ANKRD30B: variants seen among roughly 807,000 people sequenced by gnomAD.
The protein encoded by ANKRD30B is ankyrin repeat domain-containing protein 30B.
A neutral mutation model predicts 202.2 loss-of-function variants in ANKRD30B; 144 were observed. That is an observed-to-expected ratio of 0.71 (90% CI 0.62 to 0.82). The LOEUF (loss-of-function observed/expected upper bound fraction) is 0.82. Ranked by LOEUF, ANKRD30B falls within the 40% of genes least tolerant of loss-of-function variation. The pLI is 0.00. For missense variants in ANKRD30B, 1,487 were observed against 1,669.1 expected (o/e 0.89, Z 1.90); for synonymous variants, 508 against 561.3 (o/e 0.91, Z 1.34).
chr18:14,911,373 A>G, the ANKRD30B span, among the ~76,000 whole-genome samples: 1 of 152,156 alleles, frequency 6.6e-6, no homozygotes, highest in South Asian at 2.1e-4. Context: ...CAATTGAGTG[A>G]ATACAGTGTC....
intron 33 of ANKRD30B, among the ~76,000 whole-genome samples, 197 bp from the exon 34 acceptor site, chr18:14,831,186 A>AAAAAACAAAC (rs1970913744): frequency 6.6e-6 from 1 of 150,454 alleles, no homozygotes; most frequent in African/African-American, 2.4e-5. Flanking sequence ...TCTCGGAAAA[A>AAAAAACAAAC]AAAAAAAAAA....
At position 14,799,084 on chromosome 18, in the gene ANKRD30B, T is replaced by C. The variant is rs770082240; in HGVS notation, c.2030-17T>C. 47 of 1,564,250 alleles carry C rather than the reference T, an allele frequency of 3.0e-5. No individual in the cohort carries two copies. The highest frequency in any genetic ancestry group is 8.4e-5 in the Admixed American group (5 of 59,768). On this transcript the variant is annotated splice_polypyrimidine_tract_variant and intron_variant, in intron 20 of 43. Coordinates refer to ENST00000690538, the MANE Select transcript of ANKRD30B (RefSeq NM_001367607.2). ...AAGCTTGCATATAATCAATTATATA[T>C]GTCCCTTTTCTTTTAGAGTCTCCTG...
the ANKRD30B span, among the ~76,000 whole-genome samples, chr18:14,907,840 C>G: frequency 6.6e-6 from 1 of 152,262 alleles, no homozygotes; most frequent in African/African-American, 2.4e-5. Context: ...TGCCAAACTC[C>G]AGGCTCTCCC....
the ANKRD30B span, among the ~76,000 whole-genome samples, chr18:14,927,321 C>T: frequency 1.3e-5 from 2 of 152,154 alleles, no homozygotes; most frequent in East Asian, 3.9e-4. Context: ...ATTTTCCATA[C>T]CCCACCTAGC....
chr18:14,852,156 A>T lies in ANKRD30B; in HGVS notation c.4212A>T (p.Glu1404Asp). The change falls in exon 42 of 44, where the codon GAA (glutamate) becomes GAT (aspartate). Residue 1404 changes from glutamate to aspartate, a missense_variant. Around this residue, in one of 6 missense-constraint regions of ANKRD30B, gnomAD observed 182 missense variants for 216.0 expected, o/e 0.84. Coordinates refer to ENST00000690538, the MANE Select transcript of ANKRD30B (RefSeq NM_001367607.2). ...MKKAEHMYQN[E>D]QDNVDKHTEQ... ...AAGCTGAACACATGTATCAAAATGA[A>T]CAAGATAATGTGGACAAACACACTG... is the stretch of plus-strand genomic sequence containing the variant. The T allele has an allele frequency of 6.3e-7, 1 of 1,593,738 alleles. No homozygotes were observed. Among genetic ancestry groups the T allele is most frequent in the Non-Finnish European group, 8.5e-7 (1 of 1,169,990 alleles).
chr18:14,845,339 T>G (rs1310868777), intron 39 of ANKRD30B, among the ~76,000 whole-genome samples: 1 of 152,302 alleles, frequency 6.6e-6, no homozygotes, highest in Admixed American at 6.5e-5. Context: ...CATCATTTAT[T>G]AAATAGGGAA....
chr18:14,778,831 GGAA>G (rs1222309870), intron 10 of ANKRD30B, among the ~76,000 whole-genome samples: 1 of 152,072 alleles, frequency 6.6e-6, no homozygotes, highest in Admixed American at 6.6e-5. Flanking sequence ...GGAAAAATCT[GGAA>G]GAAGGGCCAT....
At chr18:14,831,549 A>T (rs1441188881) in intron 34 of ANKRD30B, 94 bp downstream of exon 34, 1 of 567,900 alleles carries the variant, frequency 1.8e-6, no homozygotes, top group Non-Finnish European at 3.1e-6. Context: ...TATGTATCAT[A>T]ATTTCATGTT....
At chr18:14,851,415 T>C in intron 41 of ANKRD30B, 94 bp from the exon 42 acceptor site, 1 of 1,312,854 alleles carries the variant, frequency 7.6e-7, no homozygotes, top group Non-Finnish European at 1.0e-6. Context: ...AACCCTTTCA[T>C]TGTATAAACG....
intron 15 of ANKRD30B, among the ~76,000 whole-genome samples, chr18:14,788,012 C>T (rs1043749812): frequency 1.3e-5 from 2 of 152,144 alleles, no homozygotes; most frequent in Non-Finnish European, 2.9e-5. Flanking sequence ...AAACATGTTG[C>T]TTATTTTAAG....
At chr18:14,847,056 A>G (rs1461788432) in intron 39 of ANKRD30B, among the ~76,000 whole-genome samples, 197 of 20,722 alleles carry the variant, frequency 9.5e-3, no homozygotes, top group African/African-American at 0.037. Context: ...AGTTTTATAT[A>G]TATATATATA....
intron 30 of ANKRD30B, among the ~76,000 whole-genome samples, chr18:14,817,513 C>T (rs955595223): frequency 3.3e-5 from 5 of 152,112 alleles, no homozygotes; most frequent in Non-Finnish European, 5.9e-5. Flanking sequence ...AAGTGATAAA[C>T]GGTTCGTTGA....
At chr18:14,800,541 A>C (rs1290246471) in intron 22 of ANKRD30B, among the ~76,000 whole-genome samples, 1 of 149,528 alleles carries the variant, frequency 6.7e-6, no homozygotes, top group African/African-American at 2.6e-5. Context: ...AGCCAGGATG[A>C]TCTCGACCTG....
At chr18:14,927,085 A>G in the ANKRD30B span, among the ~76,000 whole-genome samples, 1 of 152,164 alleles carries the variant, frequency 6.6e-6, no homozygotes, top group Non-Finnish European at 1.5e-5. Context: ...AGAAGTACTC[A>G]ATTTAAAAAC....
chr18:14,938,426 G>A, the ANKRD30B span, among the ~76,000 whole-genome samples: 1 of 152,294 alleles, frequency 6.6e-6, no homozygotes, highest in African/African-American at 2.4e-5. Context: ...TGGCCTTCCT[G>A]ATCACATCTT....
At chr18:14,883,020 T>TACGTTTCCTGTGAGC in the ANKRD30B span, among the ~76,000 whole-genome samples, 5 of 151,730 alleles carry the variant, frequency 3.3e-5, no homozygotes, top group South Asian at 6.3e-4. Context: ...TTCTAGTGCC[T>TACGTTTCCTGTGAGC]ACATTTCCTG....
chr18:14,937,199 A>G, the ANKRD30B span, among the ~76,000 whole-genome samples: 1 of 152,204 alleles, frequency 6.6e-6, no homozygotes, highest in Non-Finnish European at 1.5e-5. Context: ...CACTTTGGTC[A>G]TGAGTGTAAA....
At chr18:14,828,133 G>C in intron 32 of ANKRD30B, 145 bp from the exon 33 acceptor site, 2 of 646,902 alleles carry the variant, frequency 3.1e-6, no homozygotes, top group Non-Finnish European at 5.3e-6. Flanking sequence ...TCAGACTCCT[G>C]GACCTCTCAG....
At chr18:14,821,891 T>G (rs1970442728) in intron 30 of ANKRD30B, among the ~76,000 whole-genome samples, 1 of 152,194 alleles carries the variant, frequency 6.6e-6, no homozygotes, top group Admixed American at 6.5e-5. Flanking sequence ...ATAAATATAT[T>G]TATAAACTTT....
Sources: allele counts gnomAD v4.1 joint callset (sites outside exome capture counted in the v4.1 genomes callset), GRCh38; gene constraint gnomAD v4.1.1; regional missense constraint gnomAD v4.1.1; transcripts MANE v1.5; gene names NCBI Gene and HGNC (gene_info 2026-07-23, HGNC 2026-07-21).